The following IL1R2 variants were observed in gnomAD, a reference collection of about 807,000 sequenced individuals.
The protein encoded by IL1R2 is interleukin 1 receptor type 2.
IL1R2 carries 46 observed loss-of-function variants against 39.5 expected under a neutral mutation model. That is an observed-to-expected ratio of 1.16 (90% CI 0.92 to 1.49). IL1R2 has a LOEUF of 1.49. IL1R2 is among the 40% of genes most tolerant of loss of function. IL1R2 has a pLI of 0.00. For synonymous variants in IL1R2, 207 were observed against 189.6 expected (o/e 1.09, Z -0.75); for missense variants, 537 against 502.0 (o/e 1.07, Z -0.67).
intron 2 of IL1R2, among the ~76,000 whole-genome samples, chr2:102,009,126 G>C (rs567585773): frequency 6.6e-6 from 1 of 152,130 alleles, no homozygotes; most frequent in Admixed American, 6.5e-5. Context: ...AAGAAGTGAC[G>C]TGTTTGCCCT....
At chr2:102,013,659 G>T (rs973161471) in intron 3 of IL1R2, among the ~76,000 whole-genome samples, 1 of 150,810 alleles carries the variant, frequency 6.6e-6, no homozygotes, top group Admixed American at 6.6e-5. Flanking sequence ...CTAAATCTCA[G>T]TGGCTTAAAA....
At chr2:102,010,084 C>T in intron 3 of IL1R2, 2 of 509,834 alleles carry the variant, frequency 3.9e-6, no homozygotes, top group Admixed American at 3.4e-5. Flanking sequence ...CTCTGTCACT[C>T]TCTCCTTACC....
chr2:101,994,924 T>C (rs922151280), intron 1 of IL1R2, among the ~76,000 whole-genome samples: 2 of 152,202 alleles, frequency 1.3e-5, no homozygotes, highest in African/African-American at 4.8e-5. Context: ...TCCTAAATTT[T>C]CTAGAGCTAA....
intron 3 of IL1R2, among the ~76,000 whole-genome samples, chr2:102,010,887 A>G (rs1483365239): frequency 2.0e-5 from 3 of 151,880 alleles, no homozygotes; most frequent in Non-Finnish European, 4.4e-5. Context: ...TTAAACAATA[A>G]CTCCCCTCTC....
At chr2:102,014,125 A>G (rs1676838663) in intron 3 of IL1R2, among the ~76,000 whole-genome samples, 1 of 152,202 alleles carries the variant, frequency 6.6e-6, no homozygotes, top group African/African-American at 2.4e-5. Context: ...AACTTTCAAT[A>G]TGTCTACTAA....
chr2:101,994,388 C>T (rs914798436), intron 1 of IL1R2, among the ~76,000 whole-genome samples: 2 of 152,260 alleles, frequency 1.3e-5, no homozygotes, highest in East Asian at 1.9e-4. Flanking sequence ...AGAGCAGACT[C>T]GGGTTGCTTT....
chr2:102,010,018 G>T, intron 3 of IL1R2, 192 bp downstream of exon 3: 1 of 651,640 alleles, frequency 1.5e-6, no homozygotes, highest in Non-Finnish European at 2.6e-6. Flanking sequence ...TTTAGTCTTT[G>T]CTCAAATGCC....
In IL1R2 at chr2:102,026,303, G is replaced by A. The variant is rs114973158; in HGVS notation, c.1030+50G>A. ...TATAGGAGAATATAACATGTTGAAT[G>A]TTCCATGGATACTAGACAAATCTAC... On this transcript the variant is annotated intron_variant, in intron 8 of 8. Transcript: ENST00000332549. The A allele has an allele frequency of 3.3e-4, 455 of 1,396,720 alleles. 1 individual carries two copies. The highest frequency in any genetic ancestry group is 2.8e-3 in the African/African-American group (196 of 69,642). The allele number at this position is 1,396,720 out of a possible 1,614,324, so 86.5% of individuals were successfully genotyped here. A position where few individuals can be genotyped will look rare whatever the true frequency, so the allele number is the denominator to read the frequency against.
intron 2 of IL1R2, 75 bp downstream of exon 2, chr2:102,008,717 T>A (rs553003918): frequency 7.5e-7 from 1 of 1,325,424 alleles, no homozygotes; most frequent in East Asian, 2.3e-5. Context: ...CTAGAGAAGT[T>A]TCCTTGTCAG....
intron 1 of IL1R2, among the ~76,000 whole-genome samples, chr2:102,002,904 C>T (rs1405596696): frequency 6.6e-6 from 1 of 151,246 alleles, no homozygotes; most frequent in Non-Finnish European, 1.5e-5. Flanking sequence ...GGGTCTATGT[C>T]TAGGTCTATG....
At chr2:102,021,305 C>CT (rs546019141) in intron 5 of IL1R2, among the ~76,000 whole-genome samples, 15,684 of 122,476 alleles carry the variant, frequency 0.13, 2,193 homozygotes, top group African/African-American at 0.38. Context: ...CTTTTCTTTT[C>CT]TTTTTTTTTT....
At chr2:102,016,085 G>T (rs767353700) in intron 4 of IL1R2, 34 bp downstream of exon 4, 1 of 1,553,042 alleles carries the variant, frequency 6.4e-7, no homozygotes, top group Non-Finnish European at 8.8e-7. Context: ...TTACTAAAAT[G>T]TGTTTTCTTT....
intron 1 of IL1R2, among the ~76,000 whole-genome samples, chr2:102,007,053 C>T (rs1455917299): frequency 6.6e-6 from 1 of 152,186 alleles, no homozygotes; most frequent in African/African-American, 2.4e-5. Context: ...TAACCAACTT[C>T]CATCTTGCCC....
At chr2:102,000,030 G>A (rs1056817402) in intron 1 of IL1R2, among the ~76,000 whole-genome samples, 1 of 152,108 alleles carries the variant, frequency 6.6e-6, no homozygotes, top group South Asian at 2.1e-4. Flanking sequence ...CTACAATACC[G>A]ACGAGTTCTC....
intron 1 of IL1R2, among the ~76,000 whole-genome samples, chr2:102,003,866 T>C (rs937986178): frequency 1.4e-4 from 21 of 152,090 alleles, no homozygotes; most frequent in Middle Eastern, 3.4e-3. Flanking sequence ...TGTCTGTGGC[T>C]GTGTCTGTGG....
intron 8 of IL1R2, among the ~76,000 whole-genome samples, chr2:102,027,362 G>C (rs548091554): frequency 2.0e-5 from 3 of 152,274 alleles, no homozygotes; most frequent in African/African-American, 4.8e-5. Flanking sequence ...AGGAACCTGT[G>C]GTTTGTCTGG....
chr2:101,999,018 G>T (rs1675719477), intron 1 of IL1R2: 1 of 152,314 alleles, frequency 6.6e-6, no homozygotes, highest in African/African-American at 2.4e-5. Flanking sequence ...TACTGTTGTG[G>T]TCACCTCTGG....
At chr2:102,021,977 C>T (rs1210737295) in intron 5 of IL1R2, 2 of 560,478 alleles carry the variant, frequency 3.6e-6, no homozygotes, top group Non-Finnish European at 6.5e-6. Context: ...GCTGTGGCCT[C>T]TTCCAGTAAT....
At chr2:102,005,924 T>G (rs1425503963) in intron 1 of IL1R2, among the ~76,000 whole-genome samples, 3 of 152,258 alleles carry the variant, frequency 2.0e-5, no homozygotes, top group Non-Finnish European at 4.4e-5. Context: ...ATCTGCTTAC[T>G]AGCTGTAAGA....
Sources: allele counts gnomAD v4.1 joint callset (sites outside exome capture counted in the v4.1 genomes callset), GRCh38; gene constraint gnomAD v4.1.1; transcripts MANE v1.5; gene names NCBI Gene and HGNC (gene_info 2026-07-23, HGNC 2026-07-21).